Variants in CACNA1B observed in about 807,000 individuals in gnomAD.
The protein encoded by CACNA1B is voltage-dependent N-type calcium channel subunit alpha-1B.
Under a neutral mutation model 247.2 loss-of-function variants are expected in CACNA1B, and 70 were observed. The observed-to-expected ratio is 0.28, with a 90% CI of 0.23 to 0.35. CACNA1B has a LOEUF of 0.35. Ranked by LOEUF, CACNA1B falls within the 10% of genes least tolerant of loss-of-function variation. CACNA1B has a pLI of 1.00. For synonymous variants in CACNA1B, 1,231 were observed against 1,294.4 expected, an observed-to-expected ratio of 0.95 and a Z score of 1.05; for missense variants, 2,367 against 3,197.4, an observed-to-expected ratio of 0.74 and a Z score of 6.26.
At chr9:137,958,100 C>T (rs1957970863) in intron 10 of CACNA1B, among the ~76,000 whole-genome samples, 1 of 151,548 alleles carries the variant, frequency 6.6e-6, no homozygotes, top group Non-Finnish European at 1.5e-5. Context: ...CATTTTGAGA[C>T]ACCAAGTCAG....
chr9:137,935,799 G>C (rs1163065486), intron 6 of CACNA1B, among the ~76,000 whole-genome samples: 1 of 151,586 alleles, frequency 6.6e-6, no homozygotes, highest in African/African-American at 2.4e-5. Flanking sequence ...TTTTTTGACG[G>C]AGTCTCACTC....
At chr9:137,965,446 T>A (rs969472104) in intron 10 of CACNA1B, among the ~76,000 whole-genome samples, 2 of 152,248 alleles carry the variant, frequency 1.3e-5, no homozygotes, top group Non-Finnish European at 2.9e-5. Flanking sequence ...TTTGAGAGGC[T>A]GAGGCCAGAA....
intron 7 of CACNA1B, among the ~76,000 whole-genome samples, chr9:137,953,601 G>C (rs770481189): frequency 8.5e-5 from 13 of 152,206 alleles, no homozygotes; most frequent in Non-Finnish European, 1.8e-4. Context: ...AGCCTGGCGG[G>C]GTAGCTGGCG....
chr9:138,001,270 C>T (rs1421455125), intron 15 of CACNA1B, among the ~76,000 whole-genome samples: 1 of 87,118 alleles, frequency 1.1e-5, no homozygotes, highest in Non-Finnish European at 2.0e-5. Context: ...TAAGAATTGA[C>T]AGGAGTTTAA....
Position 138,028,057 on chromosome 9 carries a change from T to C in CACNA1B, c.3286+2885T>C, listed in dbSNP as rs544069212. ...TTTTTTTTTTTTTTTTTTTTGAGACTGAGCCTTGCTCTGTCACCCTGGCTG... is the reference window on the plus strand; with the variant it reads ...TTTTTTTTTTTTTTTTTTTTGAGACCGAGCCTTGCTCTGTCACCCTGGCTG... On this transcript the variant is annotated intron_variant, in intron 20 of 46. Coordinates refer to ENST00000371372, the MANE Select transcript of CACNA1B (RefSeq NM_000718.4). Among the ~76,000 whole-genome samples the C allele has an allele frequency of 3.3e-4, 43 of 130,444 alleles. No homozygotes were observed. In the East Asian group the frequency reaches 0.011, roughly 33 times the overall value. 85.6% of individuals were successfully genotyped at this position (130,444 alleles called of 152,430 possible).
rs115651032 is a variant in CACNA1B at position 138,062,157 on chromosome 9, G to T, written c.4668+2420G>T. The stretch of plus-strand genomic sequence containing the variant: ...CCTCCAGGATCCTGACCAGCCGTTT[G>T]TGCCTGCCTAGGACCCTGTTATCCT... On this transcript the variant is annotated intron_variant, in intron 31 of 46. Transcript: ENST00000371372. Among the ~76,000 whole-genome samples, 1,411 of 152,298 alleles carry T rather than the reference G, an allele frequency of 9.3e-3. 17 individuals carry two copies. The highest frequency in any genetic ancestry group is 0.032 in the African/African-American group (1,319 of 41,564).
intron 39 of CACNA1B, among the ~76,000 whole-genome samples, 169 bp downstream of exon 39, chr9:138,105,976 G>A (rs1358733995): frequency 1.3e-5 from 2 of 152,140 alleles, no homozygotes; most frequent in Non-Finnish European, 2.9e-5. Context: ...TGGCTTTTTC[G>A]CCTGGTAACC....
intron 21 of CACNA1B, among the ~76,000 whole-genome samples, chr9:138,045,286 G>A (rs1305368768): frequency 3.3e-5 from 5 of 152,136 alleles, no homozygotes; most frequent in African/African-American, 7.2e-5. Context: ...AGCGTGGGAC[G>A]TGTGCACAGT....
chr9:137,992,943 A>G (rs1564226199), intron 15 of CACNA1B, among the ~76,000 whole-genome samples: 1 of 152,232 alleles, frequency 6.6e-6, no homozygotes, highest in Admixed American at 6.5e-5. Flanking sequence ...TTTTGGGTTA[A>G]CAATGAAATC....
intron 36 of CACNA1B, among the ~76,000 whole-genome samples, chr9:138,084,785 A>C (rs1169791184): frequency 6.6e-6 from 1 of 150,988 alleles, no homozygotes; most frequent in African/African-American, 2.5e-5. Context: ...CCCCGTCTCT[A>C]CTAAAAATAC....
rs1303990829 is a variant in CACNA1B, at chr9:138,122,578, T to C, written c.*579T>C. The C allele has an allele frequency of 6.5e-6, 1 of 153,380 alleles. No individual in the cohort carries two copies. The highest frequency in any genetic ancestry group is 6.5e-5 in the Admixed American group (1 of 15,340). The allele number at this position is 153,380 out of a possible 1,614,324, so 9.5% of individuals were successfully genotyped here. On this transcript the variant is annotated 3_prime_UTR_variant, in exon 47 of 47. Transcript: ENST00000371372. ...CTGGGAAGTGTTCTTGCTGTGGTTG[T>C]GATTTTTAATTGCAACACCTCTCAT...
In CACNA1B at chr9:138,122,710, C is replaced by G. The variant is rs75551125; in HGVS notation, c.*711C>G. On this transcript the variant is annotated 3_prime_UTR_variant, in exon 47 of 47. Transcript: ENST00000371372. ...AATCAAACCTGTGAAAGAAAGATGT[C>G]AGCTTTTTGCCACGTGTCTTTGTGG... is the stretch of plus-strand genomic sequence containing the variant. 1 of 152,376 alleles carries G rather than the reference C, an allele frequency of 6.6e-6. No homozygotes were observed. Among genetic ancestry groups the G allele is most frequent in the African/African-American group, 2.4e-5 (1 of 41,580 alleles). 9.4% of individuals were successfully genotyped at this position (152,376 alleles called of 1,614,324 possible). A position where few individuals can be genotyped will look rare whatever the true frequency, so the allele number is the denominator to read the frequency against.
At chr9:138,075,647 C>T (rs1344248127) in intron 34 of CACNA1B, among the ~76,000 whole-genome samples, 172 bp from the exon 35 acceptor site, 2 of 152,232 alleles carry the variant, frequency 1.3e-5, no homozygotes, top group African/African-American at 4.8e-5. Flanking sequence ...GAGAGGGCGT[C>T]TATACTGGGA....
intron 6 of CACNA1B, among the ~76,000 whole-genome samples, chr9:137,918,452 G>A (rs1957442362): frequency 6.6e-6 from 1 of 152,178 alleles, no homozygotes. Flanking sequence ...TCAGGAATCT[G>A]GGAGGGGTGC....
At position 138,023,538 on chromosome 9, in the gene CACNA1B, C is replaced by T. The variant is rs1309041420; in HGVS notation, c.2795C>T (p.Pro932Leu). 10 of 1,081,992 alleles carry T rather than the reference C, an allele frequency of 9.2e-6. No individual in the cohort carries two copies. The highest frequency in any genetic ancestry group is 3.0e-5 in the South Asian group (1 of 33,136). 67.0% of individuals were successfully genotyped at this position (1,081,992 alleles called of 1,614,324 possible). A position where few individuals can be genotyped will look rare whatever the true frequency, so the allele number is the denominator to read the frequency against. Reference sequence around the variant, plus strand: ...CCGGAGGAGGCGGCCGAGCGGGAGCCCCGACGCCACCGCGCGCACCGGCAC... The same window carrying T: ...CCGGAGGAGGCGGCCGAGCGGGAGCTCCGACGCCACCGCGCGCACCGGCAC... ...GSPEEAAEREPRRHRAHRHQD... is the reference protein window; with the variant it reads ...GSPEEAAERELRRHRAHRHQD... The change falls in exon 19 of 47, where the codon CCC (proline) becomes CTC (leucine). Residue 932 changes from proline to leucine, a missense_variant. Coordinates refer to ENST00000371372, the MANE Select transcript of CACNA1B (RefSeq NM_000718.4).
rs200467844 is a variant in CACNA1B, at chr9:137,986,896, C to T, written c.1974+42C>T. On this transcript the variant is annotated intron_variant, in intron 15 of 46. Transcript: ENST00000371372. This position sits in a 1 kb window ranked among gnomAD's most constrained non-coding sequence, Gnocchi z 6.0. ...GCACATTTGCGGCCTGCCCGGCTCCCGTCTCCCCTGGGTGCTGGGAAGGCG... is the reference window on the plus strand; with the variant it reads ...GCACATTTGCGGCCTGCCCGGCTCCTGTCTCCCCTGGGTGCTGGGAAGGCG... 1.8e-5 allele frequency: 26 copies of T among 1,461,492 alleles called. No individual in the cohort carries two copies. Among genetic ancestry groups the T allele is most frequent in the African/African-American group, 2.8e-5 (2 of 71,356 alleles). The allele number at this position is 1,461,492 out of a possible 1,614,324, so 90.5% of individuals were successfully genotyped here. A position where few individuals can be genotyped will look rare whatever the true frequency, so the allele number is the denominator to read the frequency against.
Position 138,050,516 on chromosome 9 carries a change from C to T in CACNA1B, c.3710+1201C>T, listed in dbSNP as rs1959237467. Reference sequence around the variant, plus strand: ...CTCCACTCCAGCCCCCTGCAGTTCCCACTATTTCCTCTTTCTGTGATAAAG... The same window carrying T: ...CTCCACTCCAGCCCCCTGCAGTTCCTACTATTTCCTCTTTCTGTGATAAAG... On this transcript the variant is annotated intron_variant, in intron 24 of 46. Transcript: ENST00000371372. The surrounding 1 kb of genome is among the most constrained non-coding windows in gnomAD (Gnocchi z 5.2). Among the ~76,000 whole-genome samples the T allele has an allele frequency of 6.6e-6, 1 of 152,226 alleles. No individual in the cohort carries two copies. Among genetic ancestry groups the T allele is most frequent in the African/African-American group, 2.4e-5 (1 of 41,456 alleles).
chr9:137,910,008 T>C (rs989331452), intron 3 of CACNA1B, among the ~76,000 whole-genome samples: 17 of 152,270 alleles, frequency 1.1e-4, no homozygotes, highest in African/African-American at 4.1e-4. Flanking sequence ...TGACCTCAGG[T>C]GATCTGCCTG....
chr9:137,963,924 A>G (rs1181346754), intron 10 of CACNA1B, among the ~76,000 whole-genome samples: 1 of 152,192 alleles, frequency 6.6e-6, no homozygotes, highest in Non-Finnish European at 1.5e-5. Context: ...GCTTGCCTGA[A>G]AAGGATCTTA....
Sources: gnomAD v4.1 joint callset for allele counts (sites outside exome capture counted in the v4.1 genomes callset) on GRCh38, gnomAD v4.1.1 for gene constraint, Gnocchi (gnomAD v3.1) non-coding constraint, MANE v1.5 for transcripts, NCBI Gene and HGNC (gene_info 2026-07-23, HGNC 2026-07-21) for gene names.